Variants in COL23A1 observed in about 807,000 individuals in gnomAD.
The protein encoded by COL23A1 is collagen type XXIII alpha 1 chain.
A neutral mutation model predicts 99.3 loss-of-function variants in COL23A1; 97 were observed. The observed-to-expected ratio is 0.98, with a 90% CI of 0.83 to 1.16. COL23A1 has a LOEUF of 1.16. COL23A1 is among the 50% of genes most tolerant of loss of function. The probability of loss-of-function intolerance (pLI) is 0.00; values close to 1 mark genes in which losing one functional copy is unlikely to be tolerated. For missense variants in COL23A1, 762 were observed against 757.4 expected, an observed-to-expected ratio of 1.01 and a Z score of -0.07; for synonymous variants, 320 against 308.2, an observed-to-expected ratio of 1.04 and a Z score of -0.40.
chr5:178,562,398 C>T (rs1762616188), intron 1 of COL23A1, among the ~76,000 whole-genome samples: 2 of 150,714 alleles, frequency 1.3e-5, no homozygotes, highest in South Asian at 2.1e-4. Context: ...ACTAAAAATA[C>T]AAAAAATTAG....
chr5:178,352,455 C>T (rs1026773647), intron 2 of COL23A1, among the ~76,000 whole-genome samples: 30 of 152,200 alleles, frequency 2.0e-4, no homozygotes, highest in African/African-American at 7.2e-4. Context: ...CCCCCACGAC[C>T]TTAGGTGTTT....
chr5:178,242,318 A>G (rs755439040), intron 26 of COL23A1, 23 bp downstream of exon 26: 1 of 1,612,122 alleles, frequency 6.2e-7, no homozygotes, highest in East Asian at 2.2e-5. Flanking sequence ...CTCCTGCCCC[A>G]GCTCCCGTCC....
intron 1 of COL23A1, among the ~76,000 whole-genome samples, chr5:178,585,441 G>A (rs572561125): frequency 1.3e-5 from 2 of 151,708 alleles, no homozygotes; most frequent in East Asian, 3.9e-4. Context: ...TGACACTGGG[G>A]TAACACTCCA....
At chr5:178,348,234 T>G (rs1169283091) in intron 2 of COL23A1, among the ~76,000 whole-genome samples, 4 of 152,190 alleles carry the variant, frequency 2.6e-5, no homozygotes, top group Non-Finnish European at 4.4e-5. Flanking sequence ...CTCTGCCTCT[T>G]GCAGGGACCT....
rs1029103479 is a variant in COL23A1 at position 178,428,922 on chromosome 5, C to T, written c.362-122003G>A. Among the ~76,000 whole-genome samples the T allele has an allele frequency of 3.3e-5, 5 of 151,224 alleles. No homozygotes were observed. Among genetic ancestry groups the T allele is most frequent in the African/African-American group, 9.8e-5 (4 of 40,948 alleles). ...ATTGTTTCCAAGCCAGCTCCCTACC[C>T]GCACACAGACAGGCAGGCCCTCCGT... On this transcript the variant is annotated intron_variant, in intron 2 of 28. Coordinates refer to ENST00000390654, the MANE Select transcript of COL23A1 (RefSeq NM_173465.4). The surrounding 1 kb of genome is among the most constrained non-coding windows in gnomAD (Gnocchi z 5.0).
chr5:178,466,342 C>T, intron 2 of COL23A1, among the ~76,000 whole-genome samples: 1 of 152,182 alleles, frequency 6.6e-6, no homozygotes, highest in East Asian at 1.9e-4. Context: ...TTGCTGTTGA[C>T]ATAGTAGCTT....
intron 22 of COL23A1, 124 bp from the exon 23 acceptor site, chr5:178,246,577 C>T (rs907400042): frequency 1.2e-5 from 11 of 935,942 alleles, no homozygotes; most frequent in African/African-American, 1.2e-4. Flanking sequence ...TCCCCCAGGC[C>T]TGGCCCCAGC....
chr5:178,338,477 C>T lies in COL23A1; in HGVS notation c.362-31558G>A, dbSNP rs73346823. Among the ~76,000 whole-genome samples the T allele has an allele frequency of 8.5e-3, 1,290 of 152,128 alleles. 20 individuals are homozygous for T. Among genetic ancestry groups the T allele is most frequent in the African/African-American group, 0.03 (1,226 of 41,482 alleles). On this transcript the variant is annotated intron_variant, in intron 2 of 28. Coordinates refer to ENST00000390654, the MANE Select transcript of COL23A1 (RefSeq NM_173465.4). The stretch of plus-strand genomic sequence containing the variant: ...CAGGTGCAAGCTGGGGCGCCGCTGC[C>T]GTCATCCTGGAAGCCCTTTAATGAC...
intron 2 of COL23A1, among the ~76,000 whole-genome samples, chr5:178,388,099 T>C (rs1217459823): frequency 6.6e-6 from 1 of 152,226 alleles, no homozygotes; most frequent in Non-Finnish European, 1.5e-5. Context: ...CCTTCCGTTA[T>C]TGCTGGATGT....
chr5:178,266,524 G>GCT (rs938821358), intron 8 of COL23A1, among the ~76,000 whole-genome samples: 6 of 152,182 alleles, frequency 3.9e-5, no homozygotes, highest in African/African-American at 1.4e-4. Context: ...CTAGTCTGTT[G>GCT]AAGAGAGGGC....
intron 12 of COL23A1, among the ~76,000 whole-genome samples, chr5:178,258,579 T>TAG (rs1765459556): frequency 6.6e-6 from 1 of 151,812 alleles, no homozygotes; most frequent in Non-Finnish European, 1.5e-5. Flanking sequence ...GTATTTTTAG[T>TAG]AGAGATGGGG....
At chr5:178,552,836 CCTGAGTAGCTGGGA>C (rs1762070810) in intron 2 of COL23A1, among the ~76,000 whole-genome samples, 2 of 151,976 alleles carry the variant, frequency 1.3e-5, no homozygotes, top group Non-Finnish European at 2.9e-5. Context: ...GCCTCAGTCT[CCTGAGTAGCTGGGA>C]CTACAGGCGC....
chr5:178,481,013 T>C (rs1413725155), intron 2 of COL23A1, among the ~76,000 whole-genome samples: 1 of 150,974 alleles, frequency 6.6e-6, no homozygotes, highest in Admixed American at 6.7e-5. Flanking sequence ...CTGGGCATGG[T>C]AGCACACACC....
intron 2 of COL23A1, among the ~76,000 whole-genome samples, chr5:178,472,210 A>G (rs1179496895): frequency 1.3e-5 from 2 of 152,232 alleles, no homozygotes; most frequent in Non-Finnish European, 1.5e-5. Context: ...AGGAAGCTGC[A>G]TGGAAAAGCT....
intron 27 of COL23A1, 52 bp from the exon 28 acceptor site, chr5:178,239,231 T>C: frequency 1.9e-6 from 3 of 1,596,180 alleles, no homozygotes; most frequent in Non-Finnish European, 2.6e-6. Flanking sequence ...GGAGCTCCTC[T>C]ACACCCCACA....
intron 1 of COL23A1, among the ~76,000 whole-genome samples, chr5:178,571,650 T>A (rs1427007850): frequency 6.6e-6 from 1 of 152,116 alleles, no homozygotes; most frequent in Non-Finnish European, 1.5e-5. Context: ...ACAAAAAAAT[T>A]AATTAATTGA....
chr5:178,539,920 C>T (rs596279), intron 2 of COL23A1, among the ~76,000 whole-genome samples: 58,211 of 152,010 alleles, frequency 0.38, 11,493 homozygotes, highest in African/African-American at 0.48. Flanking sequence ...TCCCATCCAA[C>T]TGGCGTTTAT....
chr5:178,522,456 C>T (rs1233620443), intron 2 of COL23A1, among the ~76,000 whole-genome samples: 1 of 152,166 alleles, frequency 6.6e-6, no homozygotes, highest in Non-Finnish European at 1.5e-5. Context: ...CGCCACGCTT[C>T]CCCATTCAGC....
chr5:178,394,941 G>A (rs1319504148), intron 2 of COL23A1, among the ~76,000 whole-genome samples: 10 of 110,892 alleles, frequency 9.0e-5, no homozygotes, highest in Admixed American at 4.4e-4. Flanking sequence ...CTGGGCATTC[G>A]GCTCTCAGCT....
Sources: allele counts gnomAD v4.1 joint callset (sites outside exome capture counted in the v4.1 genomes callset), GRCh38; gene constraint gnomAD v4.1.1; non-coding constraint Gnocchi (gnomAD v3.1); transcripts MANE v1.5; gene names NCBI Gene and HGNC (gene_info 2026-07-23, HGNC 2026-07-21).